Variants in UBR3 observed in about 807,000 individuals in gnomAD.
The protein encoded by UBR3 is E3 ubiquitin-protein ligase UBR3.
Under a neutral mutation model 243.2 loss-of-function variants are expected in UBR3, and 85 were observed. That is an observed-to-expected ratio of 0.35 (90% CI 0.29 to 0.42). The LOEUF (loss-of-function observed/expected upper bound fraction) is 0.42, where lower values mean the gene tolerates loss of function less well. Among genes scored for constraint, UBR3 ranks in the 10% least tolerant of loss-of-function variants. The probability of loss-of-function intolerance (pLI) is 1.00; values close to 1 mark genes in which losing one functional copy is unlikely to be tolerated. For missense variants in UBR3, 1,686 were observed against 2,300.8 expected (o/e 0.73, Z 5.47); for synonymous variants, 748 against 799.8 (o/e 0.94, Z 1.09).
chr2:169,843,493 C>CCA (rs2082366418), intron 1 of UBR3, among the ~76,000 whole-genome samples: 1 of 152,178 alleles, frequency 6.6e-6, no homozygotes, highest in Non-Finnish European at 1.5e-5. Flanking sequence ...TCCCCAAAGG[C>CCA]CCTGCCTCTT....
At chr2:169,956,571 T>C (rs6719741) in intron 23 of UBR3, among the ~76,000 whole-genome samples, 31,206 of 152,030 alleles carry the variant, frequency 0.21, 3,579 homozygotes, top group East Asian at 0.37. Context: ...GAATTGTTGT[T>C]ATAAAATAAT....
intron 20 of UBR3, among the ~76,000 whole-genome samples, chr2:169,943,991 G>T (rs1000690519): frequency 4.6e-5 from 7 of 152,000 alleles, no homozygotes; most frequent in African/African-American, 1.7e-4. Context: ...TTGGACAGGT[G>T]CCTCAAAAAA....
intron 13 of UBR3, 65 bp from the exon 14 acceptor site, chr2:169,925,554 A>G: frequency 5.1e-6 from 7 of 1,370,372 alleles, no homozygotes; most frequent in South Asian, 1.4e-5. Context: ...TGAAATGGTT[A>G]TTTATAATAT....
chr2:169,990,707 A>AAAAAGTT (rs1403598312), intron 25 of UBR3, among the ~76,000 whole-genome samples: 3 of 130,868 alleles, frequency 2.3e-5, no homozygotes, highest in Non-Finnish European at 3.1e-5. Flanking sequence ...ACACTATAAA[A>AAAAAGTT]AAAAGTTATA....
Position 170,077,811 on chromosome 2 carries a change from C to G in UBR3, c.5200-2003C>G, listed in dbSNP as rs887859223. The stretch of plus-strand genomic sequence containing the variant: ...ATGTTGCCCAGGCTGGTCTTGAACT[C>G]CTGACCTCAAATGATCTGCCTACCT... On this transcript the variant is annotated intron_variant, in intron 36 of 38. Coordinates refer to ENST00000272793, the MANE Select transcript of UBR3 (RefSeq NM_172070.4). 2.2e-5 allele frequency: 6 copies of G among 271,988 alleles called. No individual in the cohort carries two copies. In the Admixed American group the frequency reaches 3.1e-4, roughly 14 times the overall value. The allele number at this position is 271,988 out of a possible 1,614,324, so 16.8% of individuals were successfully genotyped here. A position where few individuals can be genotyped will look rare whatever the true frequency, so the allele number is the denominator to read the frequency against.
intron 24 of UBR3, among the ~76,000 whole-genome samples, chr2:169,968,684 C>A (rs1431884424): frequency 6.6e-6 from 1 of 152,098 alleles, no homozygotes; most frequent in Non-Finnish European, 1.5e-5. Flanking sequence ...ATACTGATTT[C>A]TTTTCTTTTG....
chr2:169,963,589 T>C (rs1201043783), intron 24 of UBR3, among the ~76,000 whole-genome samples: 2 of 152,152 alleles, frequency 1.3e-5, no homozygotes, highest in Non-Finnish European at 2.9e-5. Flanking sequence ...ATACTTAATA[T>C]GTATTATTTC....
At chr2:169,863,799 A>G (rs1367839105) in intron 1 of UBR3, among the ~76,000 whole-genome samples, 3 of 152,196 alleles carry the variant, frequency 2.0e-5, no homozygotes, top group African/African-American at 4.8e-5. Flanking sequence ...TTTAGGATCA[A>G]TTTAGGCGTT....
intron 1 of UBR3, among the ~76,000 whole-genome samples, chr2:169,854,372 G>T (rs560220557): frequency 6.6e-6 from 1 of 152,160 alleles, no homozygotes; most frequent in East Asian, 1.9e-4. Flanking sequence ...TTCTCATCAT[G>T]GACTCAATTT....
chr2:170,006,495 A>G (rs1574383431), intron 27 of UBR3, among the ~76,000 whole-genome samples: 2 of 152,336 alleles, frequency 1.3e-5, no homozygotes, highest in Middle Eastern at 6.8e-3. Context: ...TTGTCCAATC[A>G]GTTGTATTTA....
At chr2:169,837,787 A>T (rs1362877437) in intron 1 of UBR3, among the ~76,000 whole-genome samples, 1 of 152,198 alleles carries the variant, frequency 6.6e-6, no homozygotes, top group Non-Finnish European at 1.5e-5. Context: ...ACAATTCAGG[A>T]TGAGATTTTG....
chr2:170,077,609 A>G (rs1479184462), intron 36 of UBR3: 6 of 495,578 alleles, frequency 1.2e-5, no homozygotes, highest in Admixed American at 3.8e-5. Context: ...ACTTTGAGAC[A>G]GAGTCTCACT....
chr2:170,024,340 C>T (rs1005171080), intron 30 of UBR3, among the ~76,000 whole-genome samples: 1 of 106,306 alleles, frequency 9.4e-6, no homozygotes, highest in African/African-American at 4.1e-5. Context: ...GGCGACAGTG[C>T]GAGACTCCAT....
chr2:169,863,541 A>G (rs1188933189), intron 1 of UBR3, among the ~76,000 whole-genome samples: 2 of 152,174 alleles, frequency 1.3e-5, no homozygotes, highest in Non-Finnish European at 2.9e-5. Context: ...TCCTTGAAGA[A>G]AGTTATCTGT....
intron 10 of UBR3, among the ~76,000 whole-genome samples, chr2:169,912,802 A>T (rs866625926): frequency 4.6e-5 from 7 of 151,694 alleles, no homozygotes; most frequent in Non-Finnish European, 1.0e-4. Context: ...TCTTTTTGAG[A>T]TAGGGTCTCA....
chr2:169,891,031 CA>C (rs2084354685), intron 5 of UBR3, 133 bp from the exon 6 acceptor site: 1 of 460,046 alleles, frequency 2.2e-6, no homozygotes, highest in Non-Finnish European at 3.8e-6. Flanking sequence ...TATATTATAG[CA>C]AATACATAGA....
intron 11 of UBR3, among the ~76,000 whole-genome samples, chr2:169,916,103 T>C (rs1053566800): frequency 1.1e-4 from 17 of 152,152 alleles, no homozygotes; most frequent in African/African-American, 4.1e-4. Context: ...CTCATTGCTA[T>C]TGGGGTATCA....
At chr2:170,040,546 A>T (rs1011469372) in intron 31 of UBR3, among the ~76,000 whole-genome samples, 10 of 152,288 alleles carry the variant, frequency 6.6e-5, no homozygotes, top group Middle Eastern at 3.4e-3. Context: ...AAGCCACTCC[A>T]TTTGTAGTGA....
At chr2:169,936,185 T>C (rs1476339003) in intron 19 of UBR3, among the ~76,000 whole-genome samples, 1 of 152,002 alleles carries the variant, frequency 6.6e-6, no homozygotes, top group Non-Finnish European at 1.5e-5. Flanking sequence ...TCAGCCTCCC[T>C]AGTAGCTGGG....
Sources: allele counts gnomAD v4.1 joint callset (sites outside exome capture counted in the v4.1 genomes callset), GRCh38; gene constraint gnomAD v4.1.1; transcripts MANE v1.5; gene names NCBI Gene and HGNC (gene_info 2026-07-23, HGNC 2026-07-21).